HS3ST4: variants seen among roughly 807,000 people sequenced by gnomAD.
HS3ST4 encodes the protein heparan sulfate glucosamine 3-O-sulfotransferase 4.
HS3ST4 carries 17 observed loss-of-function variants against 29.2 expected under a neutral mutation model. That is an observed-to-expected ratio of 0.58 (90% confidence interval 0.40 to 0.87). The LOEUF is 0.87. Among genes scored for constraint, HS3ST4 ranks in the 40% least tolerant of loss-of-function variants. The pLI, the probability that HS3ST4 is intolerant of heterozygous loss-of-function variation, is 0.00. For synonymous variants in HS3ST4, 314 were observed against 285.7 expected, an observed-to-expected ratio of 1.10 and a Z score of -1.00; for missense variants, 627 against 634.5, an observed-to-expected ratio of 0.99 and a Z score of 0.13.
intron 1 of HS3ST4, among the ~76,000 whole-genome samples, chr16:25,901,330 C>G (rs200449608): frequency 2.0e-5 from 3 of 152,214 alleles, no homozygotes; most frequent in African/African-American, 7.2e-5. Flanking sequence ...CAATATCCCA[C>G]GTCCAGCTCC....
chr16:25,869,025 C>T (rs1267275909), intron 1 of HS3ST4, among the ~76,000 whole-genome samples: 2 of 152,038 alleles, frequency 1.3e-5, no homozygotes, highest in East Asian at 1.9e-4. Context: ...TTCTGCCCTA[C>T]CTTTGGAATC....
intron 1 of HS3ST4, among the ~76,000 whole-genome samples, chr16:25,698,852 G>A (rs546097848): frequency 3.9e-5 from 6 of 152,286 alleles, no homozygotes; most frequent in Middle Eastern, 3.4e-3. Context: ...CAGACAGGTC[G>A]TATAAATGAG....
At chr16:25,703,224 T>C (rs1000606428) in intron 1 of HS3ST4, among the ~76,000 whole-genome samples, 3 of 152,070 alleles carry the variant, frequency 2.0e-5, no homozygotes, top group South Asian at 2.1e-4. Context: ...GATGCACTCA[T>C]GTTGCCACAT....
At chr16:25,818,225 G>T (rs1967114970) in intron 1 of HS3ST4, among the ~76,000 whole-genome samples, 1 of 152,206 alleles carries the variant, frequency 6.6e-6, no homozygotes, top group African/African-American at 2.4e-5. Context: ...GGTATTAGGA[G>T]GTGGGGCCCT....
chr16:26,109,889 C>T (rs1434765964), intron 1 of HS3ST4, among the ~76,000 whole-genome samples: 1 of 152,148 alleles, frequency 6.6e-6, no homozygotes, highest in Non-Finnish European at 1.5e-5. Context: ...TCACATCACA[C>T]ACTTTTTTTT....
intron 1 of HS3ST4, among the ~76,000 whole-genome samples, chr16:25,726,130 C>T (rs1470574095): frequency 2.0e-5 from 3 of 152,180 alleles, no homozygotes; most frequent in Non-Finnish European, 4.4e-5. Flanking sequence ...GATTTGTGAC[C>T]CACAGTTTGA....
At chr16:26,054,269 G>GGAGAGAGA (rs58364733) in intron 1 of HS3ST4, among the ~76,000 whole-genome samples, 36 of 133,730 alleles carry the variant, frequency 2.7e-4, no homozygotes, top group African/African-American at 9.4e-4. Flanking sequence ...ACAGAGAGAG[G>GGAGAGAGA]GAGAGAGAGA....
At chr16:25,910,564 AC>A (rs1387616927) in intron 1 of HS3ST4, among the ~76,000 whole-genome samples, 4 of 151,466 alleles carry the variant, frequency 2.6e-5, no homozygotes, top group African/African-American at 2.4e-5. Context: ...AATCGCTTGA[AC>A]CCAGGAGGCA....
At chr16:26,023,488 C>T (rs998629538) in intron 1 of HS3ST4, among the ~76,000 whole-genome samples, 2 of 152,056 alleles carry the variant, frequency 1.3e-5, no homozygotes, top group African/African-American at 4.8e-5. Context: ...CAACCTCAAA[C>T]TCCTGAGCTC....
intron 1 of HS3ST4, among the ~76,000 whole-genome samples, chr16:25,840,701 A>G: frequency 6.6e-6 from 1 of 152,174 alleles, no homozygotes; most frequent in Non-Finnish European, 1.5e-5. Context: ...GTATCAACCT[A>G]CTGGGGCCAA....
At chr16:26,053,590 T>A (rs1898372203) in intron 1 of HS3ST4, among the ~76,000 whole-genome samples, 1 of 152,066 alleles carries the variant, frequency 6.6e-6, no homozygotes, top group South Asian at 2.1e-4. Context: ...GACAAGGAGA[T>A]CTTGATTTTT....
intron 1 of HS3ST4, among the ~76,000 whole-genome samples, chr16:26,053,339 AC>A (rs1898368085): frequency 6.6e-6 from 1 of 152,266 alleles, no homozygotes; most frequent in South Asian, 2.1e-4. Flanking sequence ...TAATGTTAAT[AC>A]TTGCTGCAAT....
intron 1 of HS3ST4, among the ~76,000 whole-genome samples, chr16:25,780,418 C>T (rs762809308): frequency 5.3e-5 from 8 of 152,128 alleles, no homozygotes; most frequent in African/African-American, 1.2e-4. Flanking sequence ...CTCTCTGCAT[C>T]GGTAAAGTTT....
At chr16:26,079,578 C>T (rs1898702580) in intron 1 of HS3ST4, among the ~76,000 whole-genome samples, 1 of 152,120 alleles carries the variant, frequency 6.6e-6, no homozygotes, top group African/African-American at 2.4e-5. Flanking sequence ...TATAAGGCAC[C>T]ATTATTATCC....
At chr16:26,054,299 AAG>A (rs1567302709) in intron 1 of HS3ST4, among the ~76,000 whole-genome samples, 50 of 141,682 alleles carry the variant, frequency 3.5e-4, no homozygotes, top group South Asian at 8.8e-4. Context: ...AGAGAGAGAG[AAG>A]GAGGAGGAGG....
chr16:25,831,752 TTGAA>T (rs1967303524), intron 1 of HS3ST4, among the ~76,000 whole-genome samples: 1 of 152,106 alleles, frequency 6.6e-6, no homozygotes, highest in Non-Finnish European at 1.5e-5. Flanking sequence ...TAAAAATTTG[TTGAA>T]TGAATGAGTG....
In HS3ST4 at chr16:25,738,315, G is replaced by A. The variant is rs144949876; in HGVS notation, c.734+45164G>A. Among the ~76,000 whole-genome samples the A allele has an allele frequency of 2.7e-3, 408 of 152,260 alleles. 1 individual carries two copies. Among genetic ancestry groups the A allele is most frequent in the African/African-American group, 9.3e-3 (388 of 41,550 alleles). ...CAGCTAAGCATTTATGACTATCAGC[G>A]CAGCTCTTACCTCTTTCCCCATCAC... On this transcript the variant is annotated intron_variant, in intron 1 of 1. Transcript: ENST00000331351.
intron 1 of HS3ST4, among the ~76,000 whole-genome samples, chr16:26,094,808 A>T (rs1473458983): frequency 6.6e-6 from 1 of 152,240 alleles, no homozygotes; most frequent in African/African-American, 2.4e-5. Context: ...CAATTAAAAG[A>T]CACAAACTAG....
At chr16:26,026,529 C>A (rs1969475821) in intron 1 of HS3ST4, among the ~76,000 whole-genome samples, 1 of 152,138 alleles carries the variant, frequency 6.6e-6, no homozygotes, top group South Asian at 2.1e-4. Flanking sequence ...GCCCCATAGT[C>A]ATGAAACAGA....
Sources: gnomAD v4.1 joint callset for allele counts (sites outside exome capture counted in the v4.1 genomes callset) on GRCh38, gnomAD v4.1.1 for gene constraint, MANE v1.5 for transcripts, NCBI Gene and HGNC (gene_info 2026-07-23, HGNC 2026-07-21) for gene names.